The following GALNT13 variants were observed in gnomAD, a reference collection of about 807,000 sequenced individuals.
GALNT13 encodes polypeptide N-acetylgalactosaminyltransferase 13.
Under a neutral mutation model 64.2 loss-of-function variants are expected in GALNT13, and 28 were observed. The ratio of observed to expected loss-of-function variants is 0.44; its 90% CI spans 0.32 to 0.60. The LOEUF (loss-of-function observed/expected upper bound fraction) is 0.60. Among genes scored for constraint, GALNT13 ranks in the 20% least tolerant of loss-of-function variants. GALNT13 has a pLI of 0.05. For synonymous variants in GALNT13, 214 were observed against 224.6 expected (o/e 0.95, Z 0.42); for missense variants, 577 against 669.8 (o/e 0.86, Z 1.53).
At chr2:153,235,538 T>C in the GALNT13 span, among the ~76,000 whole-genome samples, 1 of 152,144 alleles carries the variant, frequency 6.6e-6, no homozygotes, top group African/African-American at 2.4e-5. Context: ...ATCGCATGCC[T>C]CACTGGCATC....
chr2:153,188,957 T>A, the GALNT13 span, among the ~76,000 whole-genome samples: 1 of 152,178 alleles, frequency 6.6e-6, no homozygotes, highest in South Asian at 2.1e-4. Context: ...ATTTATCATT[T>A]CTATGTGTTG....
chr2:153,070,446 A>G, the GALNT13 span, among the ~76,000 whole-genome samples: 1 of 152,186 alleles, frequency 6.6e-6, no homozygotes, highest in African/African-American at 2.4e-5. Flanking sequence ...ACAGGGTGAA[A>G]CCTAATGTAA....
At chr2:154,395,681 A>C (rs1427657286) in intron 9 of GALNT13, among the ~76,000 whole-genome samples, 1 of 152,146 alleles carries the variant, frequency 6.6e-6, no homozygotes, top group African/African-American at 2.4e-5. Context: ...TACACAGCTC[A>C]GTTAAGCTTT....
the GALNT13 span, among the ~76,000 whole-genome samples, chr2:153,567,857 T>C: frequency 6.6e-6 from 1 of 152,222 alleles, no homozygotes; most frequent in Non-Finnish European, 1.5e-5. Flanking sequence ...CTGAATTCCT[T>C]GATAGAATAT....
At chr2:154,130,189 C>T (rs1382898162) in intron 3 of GALNT13, among the ~76,000 whole-genome samples, 2 of 152,136 alleles carry the variant, frequency 1.3e-5, no homozygotes, top group African/African-American at 2.4e-5. Flanking sequence ...GAGAGCCAAC[C>T]TTAGCAACCC....
intron 9 of GALNT13, among the ~76,000 whole-genome samples, chr2:154,393,763 T>C (rs1350651796): frequency 6.6e-6 from 1 of 152,168 alleles, no homozygotes; most frequent in Non-Finnish European, 1.5e-5. Flanking sequence ...GGACAATTAA[T>C]GTTTTCTCTG....
At chr2:153,731,811 C>T in the GALNT13 span, among the ~76,000 whole-genome samples, 36 of 151,798 alleles carry the variant, frequency 2.4e-4, 1 homozygote, top group East Asian at 2.5e-3. Context: ...TTGAGAAAGA[C>T]GCTCTCTAAA....
intron 1 of GALNT13, among the ~76,000 whole-genome samples, chr2:153,891,711 T>C (rs951545639): frequency 6.6e-6 from 1 of 152,074 alleles, no homozygotes; most frequent in Non-Finnish European, 1.5e-5. Context: ...ACATTGTCAA[T>C]AGAGGGATCT....
At chr2:153,458,025 T>C in the GALNT13 span, among the ~76,000 whole-genome samples, 1 of 152,172 alleles carries the variant, frequency 6.6e-6, no homozygotes, top group African/African-American at 2.4e-5. Flanking sequence ...ACGGCTCTTT[T>C]TGTTTCAATG....
intron 11 of GALNT13, among the ~76,000 whole-genome samples, chr2:154,423,149 G>A (rs1461042814): frequency 3.4e-5 from 5 of 147,512 alleles, no homozygotes; most frequent in Non-Finnish European, 5.9e-5. Context: ...ACCTATGAGT[G>A]AGAACATGCG....
the GALNT13 span, among the ~76,000 whole-genome samples, chr2:153,194,030 G>T: frequency 6.6e-6 from 1 of 151,948 alleles, no homozygotes; most frequent in Non-Finnish European, 1.5e-5. Flanking sequence ...TTCCCTCTTT[G>T]TCTTTAACTT....
At chr2:154,043,451 TATATAC>T (rs1699110330) in intron 3 of GALNT13, among the ~76,000 whole-genome samples, 1 of 113,600 alleles carries the variant, frequency 8.8e-6, no homozygotes, top group Admixed American at 8.3e-5. Flanking sequence ...TATATATATA[TATATAC>T]ACACATGTAT....
the GALNT13 span, among the ~76,000 whole-genome samples, chr2:153,211,726 T>C: frequency 2.0e-5 from 3 of 152,212 alleles, no homozygotes; most frequent in Non-Finnish European, 4.4e-5. Context: ...AAATCTGTGT[T>C]TTGACAAGCT....
chr2:153,755,646 A>AC, the GALNT13 span, among the ~76,000 whole-genome samples: 8 of 152,046 alleles, frequency 5.3e-5, no homozygotes, highest in African/African-American at 1.9e-4. Context: ...TTGTATATTA[A>AC]CCCCTTATCT....
the GALNT13 span, among the ~76,000 whole-genome samples, chr2:153,433,819 T>C: frequency 6.6e-6 from 1 of 152,132 alleles, no homozygotes; most frequent in Admixed American, 6.6e-5. Flanking sequence ...TAGTTACTTA[T>C]ACTTTTTTTT....
At chr2:154,393,386 C>A (rs2105356384) in intron 9 of GALNT13, among the ~76,000 whole-genome samples, 1 of 152,248 alleles carries the variant, frequency 6.6e-6, no homozygotes. Flanking sequence ...GTGACATAAC[C>A]CCTTTCTCTC....
At chr2:153,276,744 C>G in the GALNT13 span, among the ~76,000 whole-genome samples, 1 of 151,972 alleles carries the variant, frequency 6.6e-6, no homozygotes, top group African/African-American at 2.4e-5. Context: ...TTTTATCCGT[C>G]TTCTTTGTCT....
intron 3 of GALNT13, among the ~76,000 whole-genome samples, chr2:154,019,962 T>A (rs1240365402): frequency 2.6e-5 from 4 of 152,134 alleles, no homozygotes; most frequent in Non-Finnish European, 5.9e-5. Flanking sequence ...TTTGGTTTTT[T>A]GTCCTTGCAA....
intron 3 of GALNT13, among the ~76,000 whole-genome samples, chr2:154,092,452 A>T (rs1245403735): frequency 6.6e-6 from 1 of 151,990 alleles, no homozygotes; most frequent in Admixed American, 6.6e-5. Context: ...GATCTTTTGG[A>T]ATTTAAAAGC....
Sources: allele counts gnomAD v4.1 joint callset (sites outside exome capture counted in the v4.1 genomes callset), GRCh38; gene constraint gnomAD v4.1.1; transcripts MANE v1.5; gene names NCBI Gene and HGNC (gene_info 2026-07-23, HGNC 2026-07-21).